The following TAB1 variants were observed in gnomAD, a reference collection of about 807,000 sequenced individuals.
The protein encoded by TAB1 is TGF-beta-activated kinase 1 and MAP3K7-binding protein 1.
TAB1 carries 30 observed loss-of-function variants against 54.5 expected under a neutral mutation model. The ratio of observed to expected loss-of-function variants is 0.55; its 90% CI spans 0.41 to 0.75. The LOEUF (loss-of-function observed/expected upper bound fraction) is 0.75. TAB1 is among the 30% of genes least tolerant of loss of function. The pLI, the probability that TAB1 is intolerant of heterozygous loss-of-function variation, is 0.00. For missense variants in TAB1, 609 were observed against 683.2 expected, an observed-to-expected ratio of 0.89 and a Z score of 1.21; for synonymous variants, 289 against 286.9, an observed-to-expected ratio of 1.01 and a Z score of -0.07.
chr22:39,412,706 G>C (rs1044097012), intron 1 of TAB1, among the ~76,000 whole-genome samples: 1 of 151,980 alleles, frequency 6.6e-6, no homozygotes, highest in Non-Finnish European at 1.5e-5. Flanking sequence ...GCTAACCACA[G>C]GCTTTTTATA....
At chr22:39,434,023 C>G (rs1214047123), downstream of TAB1, among the ~76,000 whole-genome samples, 1 of 152,234 alleles carries the variant, frequency 6.6e-6, no homozygotes, top group African/African-American at 2.4e-5. Context: ...CACGCAGCAG[C>G]CCCTCACACA....
chr22:39,411,558 A>G (rs1243074182), intron 1 of TAB1, among the ~76,000 whole-genome samples: 1 of 152,198 alleles, frequency 6.6e-6, no homozygotes, highest in Admixed American at 6.5e-5. Context: ...CACCTCTTAG[A>G]ATATCTAAAT....
chr22:39,430,003 G>C lies in TAB1; in HGVS notation c.1308-12G>C. ...CTGCTTCTGATTGACTCCCTCCCCT[G>C]TTGTCCTGCAGCCAAAGCCCGACCT... On this transcript the variant is annotated splice_polypyrimidine_tract_variant and intron_variant, in intron 10 of 10. Coordinates refer to ENST00000216160, the MANE Select transcript of TAB1 (RefSeq NM_006116.3). 6.2e-7 allele frequency: 1 copy of C among 1,612,288 alleles called. No individual in the cohort carries two copies. The highest frequency in any genetic ancestry group is 1.7e-5 in the Admixed American group (1 of 60,020).
chr22:39,431,422 A>G lies in TAB1; in HGVS notation c.*1200A>G. The G allele has an allele frequency of 1.0e-6, 1 of 985,502 alleles. No homozygotes were observed. Among genetic ancestry groups the G allele is most frequent in the Non-Finnish European group, 1.2e-6 (1 of 830,002 alleles). The allele number at this position is 985,502 out of a possible 1,614,324, so 61.0% of individuals were successfully genotyped here. On this transcript the variant is annotated 3_prime_UTR_variant, in exon 11 of 11. Transcript: ENST00000216160. ...GAGCTCAGACCTGAGCCATTTTGTC[A>G]GTATCCAGGACCCCCCGGATTCTCC...
intron 1 of TAB1, among the ~76,000 whole-genome samples, chr22:39,403,425 GT>G (rs1172767622): frequency 2.2e-4 from 34 of 152,212 alleles, no homozygotes; most frequent in African/African-American, 8.0e-4. Context: ...AAAGGCTGCT[GT>G]TTCAGGAGCC....
At chr22:39,414,894 C>T in intron 1 of TAB1, 112 bp from the exon 2 acceptor site, 2 of 1,229,332 alleles carry the variant, frequency 1.6e-6, no homozygotes, top group Middle Eastern at 2.7e-4. Flanking sequence ...AAGTGGAACC[C>T]TCTGTGTAGG....
At chr22:39,403,642 T>C (rs1479559383) in intron 1 of TAB1, among the ~76,000 whole-genome samples, 1 of 147,562 alleles carries the variant, frequency 6.8e-6, no homozygotes, top group African/African-American at 2.5e-5. Context: ...AAATCCCTCT[T>C]TTTTTTTTTT....
rs775460482 is a variant in TAB1 at position 39,428,033 on chromosome 22, G to A, written c.1157G>A (p.Arg386Gln). ...TPSPAPAAGG[R>Q]VYPVSVPYSS... The stretch of plus-strand genomic sequence containing the variant: ...CTTCCTCCCAAAGCTGCAGGAGGAC[G>A]AGTGTACCCTGTGTCTGTGCCATAC... The change falls in exon 10 of 11, where the codon CGA becomes CAA. Residue 386 changes from arginine to glutamine, a missense_variant. By Grantham distance (43) the Arg-to-Gln change is conservative. Transcript: ENST00000216160. 3 of 1,598,090 alleles carry A rather than the reference G, an allele frequency of 1.9e-6. No homozygotes were observed. The highest frequency in any genetic ancestry group is 4.5e-5 in the East Asian group (2 of 44,538).
At chr22:39,432,124 A>G (rs1357935882), downstream of TAB1, among the ~76,000 whole-genome samples, 2 of 152,108 alleles carry the variant, frequency 1.3e-5, no homozygotes, top group Non-Finnish European at 1.5e-5. Flanking sequence ...TGCACATCTG[A>G]AGGGGGTGAC....
At chr22:39,416,981 C>A (rs6001585) in intron 4 of TAB1, 104 bp downstream of exon 4, 918,625 of 1,116,832 alleles carry the variant, frequency 0.82, 380,139 homozygotes, top group East Asian at 1. Flanking sequence ...GAGCAACAGG[C>A]GTTAGGGAGC....
chr22:39,431,501 C>T lies in TAB1; in HGVS notation c.*1279C>T. 1 of 985,626 alleles carries T rather than the reference C, an allele frequency of 1.0e-6. No homozygotes were observed. Among genetic ancestry groups the T allele is most frequent in the Non-Finnish European group, 1.2e-6 (1 of 830,068 alleles). 61.1% of individuals were successfully genotyped at this position (985,626 alleles called of 1,614,324 possible). A position where few individuals can be genotyped will look rare whatever the true frequency, so the allele number is the denominator to read the frequency against. On this transcript the variant is annotated 3_prime_UTR_variant, in exon 11 of 11. Coordinates refer to ENST00000216160, the MANE Select transcript of TAB1 (RefSeq NM_006116.3). ...CCCCCCATGCCCCAGACCGGCCCAC[C>T]AGGGACTAGCCGCTGTCGCACAGCC... is the stretch of plus-strand genomic sequence containing the variant.
intron 1 of TAB1, among the ~76,000 whole-genome samples, chr22:39,406,465 G>A (rs188594480): frequency 4.0e-5 from 6 of 151,152 alleles, no homozygotes; most frequent in Admixed American, 1.3e-4. Flanking sequence ...GTCAGTGGAT[G>A]ATTGAGGTTT....
chr22:39,427,475 A>G (rs1390860507), intron 9 of TAB1, among the ~76,000 whole-genome samples: 5 of 152,218 alleles, frequency 3.3e-5, no homozygotes, highest in Admixed American at 1.3e-4. Context: ...CCAAGTTCTC[A>G]GGAAAAGAGG....
intron 3 of TAB1, among the ~76,000 whole-genome samples, chr22:39,416,566 A>G (rs2145668983): frequency 6.6e-6 from 1 of 152,354 alleles, no homozygotes; most frequent in South Asian, 2.1e-4. Flanking sequence ...TGCAGGGTGC[A>G]CACCCCTTCG....
intron 1 of TAB1, among the ~76,000 whole-genome samples, chr22:39,402,738 G>T (rs1279481689): frequency 6.6e-6 from 1 of 152,002 alleles, no homozygotes; most frequent in African/African-American, 2.4e-5. Context: ...TTTTAGTAGA[G>T]ACAGGGTTTC....
intron 8 of TAB1, 92 bp downstream of exon 8, chr22:39,422,063 G>A (rs150942197): frequency 1.7e-6 from 2 of 1,204,078 alleles, no homozygotes; most frequent in Non-Finnish European, 2.2e-6. Context: ...GTGATTCTCG[G>A]AGGCCGTCAC....
In TAB1 at chr22:39,414,989, C is replaced by G; in HGVS notation, c.34-17C>G. 1 of 1,613,748 alleles carries G rather than the reference C, an allele frequency of 6.2e-7. No individual in the cohort carries two copies. The highest frequency in any genetic ancestry group is 8.5e-7 in the Non-Finnish European group (1 of 1,179,968). On this transcript the variant is annotated splice_polypyrimidine_tract_variant and intron_variant, in intron 1 of 10. Coordinates refer to ENST00000216160, the MANE Select transcript of TAB1 (RefSeq NM_006116.3). Reference sequence around the variant, plus strand: ...AGACGCGGTGGCGTCTCACGGCTTCCTGGTGTCCTTCCCCAGGAGCAGCAG... The same window carrying G: ...AGACGCGGTGGCGTCTCACGGCTTCGTGGTGTCCTTCCCCAGGAGCAGCAG...
chr22:39,436,961 C>T, downstream of TAB1: 1 of 184,738 alleles, frequency 5.4e-6, no homozygotes, highest in East Asian at 1.5e-4. Flanking sequence ...GAGAGAAGGA[C>T]TCCAACCTTC....
In TAB1 at chr22:39,415,237, G is replaced by A; in HGVS notation, c.170+95G>A. The A allele has an allele frequency of 2.1e-6, 3 of 1,449,118 alleles. No homozygotes were observed. Among genetic ancestry groups the A allele is most frequent in the Non-Finnish European group, 2.8e-6 (3 of 1,076,834 alleles). 89.8% of individuals were successfully genotyped at this position (1,449,118 alleles called of 1,614,324 possible). A position where few individuals can be genotyped will look rare whatever the true frequency, so the allele number is the denominator to read the frequency against. On this transcript the variant is annotated intron_variant, in intron 2 of 10. Coordinates refer to ENST00000216160, the MANE Select transcript of TAB1 (RefSeq NM_006116.3). The surrounding 1 kb of genome is among the most constrained non-coding windows in gnomAD (Gnocchi z 4.9). The stretch of plus-strand genomic sequence containing the variant: ...CCTTGCAGCTTTCTCGTATGGGCTT[G>A]CCAGTGACATGTGGCCCGTGAGAGG...
Sources: gnomAD v4.1 joint callset for allele counts (sites outside exome capture counted in the v4.1 genomes callset) on GRCh38, gnomAD v4.1.1 for gene constraint, Gnocchi (gnomAD v3.1) non-coding constraint, MANE v1.5 for transcripts, NCBI Gene and HGNC (gene_info 2026-07-23, HGNC 2026-07-21) for gene names.